CYFIP2: variants seen among roughly 807,000 people sequenced by gnomAD.
CYFIP2 encodes cytoplasmic FMR1-interacting protein 2.
In CYFIP2, 29 loss-of-function variants were observed where a neutral mutation model predicts 158.7. The ratio of observed to expected loss-of-function variants is 0.18; its 90% CI spans 0.14 to 0.25. CYFIP2 has a LOEUF of 0.25. CYFIP2 is among the 10% of genes least tolerant of loss of function. The probability of loss-of-function intolerance (pLI) is 1.00; values close to 1 mark genes in which losing one functional copy is unlikely to be tolerated. For missense variants in CYFIP2, 852 were observed against 1,639.5 expected (o/e 0.52, Z 8.29); for synonymous variants, 585 against 617.6 (o/e 0.95, Z 0.78).
At chr5:157,289,600 C>G (rs1222416342) in intron 3 of CYFIP2, among the ~76,000 whole-genome samples, 1 of 152,184 alleles carries the variant, frequency 6.6e-6, no homozygotes, top group East Asian at 1.9e-4. Context: ...CTGGCACCTT[C>G]TTTCTGTGTG....
rs1762218353 is a variant in CYFIP2 at position 157,341,126 on chromosome 5, A to G, written c.2642A>G (p.Asn881Ser). Residue 881 changes from asparagine (N) to serine (S), a missense_variant, in exon 23 of 31, where the codon AAC (asparagine) becomes AGC (serine). By Grantham distance (46) the Asn-to-Ser change is conservative (BLOSUM62 1). Transcript: ENST00000620254. ...GAACCACAACGAGACAAACCTGCCA[A>G]CGTCCAGCCTTATTACCTCTATGGA... The part of the protein sequence containing the change: ...TQEPQRDKPA[N>S]VQPYYLYGSK... 1 of 1,614,024 alleles carries G rather than the reference A, an allele frequency of 6.2e-7. No homozygotes were observed. Among genetic ancestry groups the G allele is most frequent in the Non-Finnish European group, 8.5e-7 (1 of 1,179,884 alleles).
At chr5:157,291,216 A>G (rs1757793997) in intron 3 of CYFIP2, among the ~76,000 whole-genome samples, 1 of 152,208 alleles carries the variant, frequency 6.6e-6, no homozygotes, top group Non-Finnish European at 1.5e-5. Flanking sequence ...GGTGACTCTA[A>G]TATACAACAA....
At chr5:157,341,033 C>A in intron 22 of CYFIP2, 37 bp from the exon 23 acceptor site, 2 of 1,565,954 alleles carry the variant, frequency 1.3e-6, no homozygotes, top group Non-Finnish European at 1.8e-6. Flanking sequence ...AATATTAGGA[C>A]CATATTAACT....
chr5:157,267,349 C>T (rs1356512149), intron 1 of CYFIP2, among the ~76,000 whole-genome samples: 1 of 152,228 alleles, frequency 6.6e-6, no homozygotes, highest in African/African-American at 2.4e-5. Flanking sequence ...CCATTTCCTG[C>T]CTCCTGTCTG....
At chr5:157,338,779 A>G (rs954480766) in intron 21 of CYFIP2, among the ~76,000 whole-genome samples, 8 of 152,170 alleles carry the variant, frequency 5.3e-5, no homozygotes, top group African/African-American at 1.9e-4. Context: ...CACATGGTCT[A>G]TGGTCTCCTT....
intron 26 of CYFIP2, among the ~76,000 whole-genome samples, chr5:157,380,336 AG>A (rs1765926244): frequency 6.6e-6 from 1 of 152,224 alleles, no homozygotes; most frequent in Non-Finnish European, 1.5e-5. Flanking sequence ...GGGTCTTTTC[AG>A]GAAAGGGCTA....
At chr5:157,336,710 G>C (rs1048814543) in intron 21 of CYFIP2, among the ~76,000 whole-genome samples, 2 of 152,224 alleles carry the variant, frequency 1.3e-5, no homozygotes, top group African/African-American at 4.8e-5. Context: ...CTGTTTCTCT[G>C]TGTTGCCCTT....
At position 157,300,709 on chromosome 5, in the gene CYFIP2, C is replaced by A. The variant is rs1421814818; in HGVS notation, c.388-6C>A. On this transcript the variant is annotated splice_polypyrimidine_tract_variant and splice_region_variant and intron_variant, in intron 5 of 30. Transcript: ENST00000620254. ...TGGACCTTACTCACTGCCCCTCTGC[C>A]CCCAGCGCAAGGCCATCGAGCGGTT... The A allele has an allele frequency of 6.3e-7, 1 of 1,578,570 alleles. No individual in the cohort carries two copies. Among genetic ancestry groups the A allele is most frequent in the Non-Finnish European group, 8.6e-7 (1 of 1,160,816 alleles).
intron 14 of CYFIP2, among the ~76,000 whole-genome samples, chr5:157,320,368 C>G (rs1760491477): frequency 6.6e-6 from 1 of 152,218 alleles, no homozygotes; most frequent in South Asian, 2.1e-4. Flanking sequence ...AGACCTCTTG[C>G]CTCACACAAG....
rs1238147171 is a variant in CYFIP2, at chr5:157,348,414, AATT to A, written c.2673+7267_2673+7269del. Among the ~76,000 whole-genome samples, 8 of 151,984 alleles carry A rather than the reference AATT, an allele frequency of 5.3e-5. No individual in the cohort carries two copies. In the East Asian group the frequency reaches 1.2e-3, roughly 22 times the overall value. On this transcript the variant is annotated intron_variant, in intron 23 of 30. Transcript: ENST00000620254. ...CAGGTGTGCACTACCACCCCTGGCT[AATT>A]ATTATTATTTTTGAGCTGGAGTCTC...
chr5:157,271,180 C>T (rs1466502550), intron 1 of CYFIP2, among the ~76,000 whole-genome samples: 1 of 152,124 alleles, frequency 6.6e-6, no homozygotes, highest in Non-Finnish European at 1.5e-5. Context: ...GGAGTGGAGA[C>T]AGTTTGAGCA....
intron 3 of CYFIP2, among the ~76,000 whole-genome samples, chr5:157,293,430 C>T (rs1757994908): frequency 6.6e-6 from 1 of 152,158 alleles, no homozygotes; most frequent in Admixed American, 6.5e-5. Flanking sequence ...TGAGTCATCA[C>T]TGTATTTTTT....
At chr5:157,340,995 C>T in intron 22 of CYFIP2, 75 bp from the exon 23 acceptor site, 1 of 1,414,358 alleles carries the variant, frequency 7.1e-7, no homozygotes, top group Non-Finnish European at 1.0e-6. Context: ...CCAGGAAGCA[C>T]TCCTGTTATC....
chr5:157,288,079 C>A (rs1172187502), intron 3 of CYFIP2, among the ~76,000 whole-genome samples: 1 of 152,100 alleles, frequency 6.6e-6, no homozygotes, highest in African/African-American at 2.4e-5. Flanking sequence ...GGCAACAGAG[C>A]AAGACCCTAT....
intron 3 of CYFIP2, among the ~76,000 whole-genome samples, chr5:157,289,656 G>A (rs1757668580): frequency 6.6e-6 from 1 of 152,018 alleles, no homozygotes; most frequent in African/African-American, 2.4e-5. Context: ...ATTAGATCAG[G>A]GCCCTCTCTA....
intron 29 of CYFIP2, 141 bp from the exon 30 acceptor site, chr5:157,390,380 T>TAC (rs1459240145): frequency 5.6e-6 from 4 of 711,326 alleles, no homozygotes; most frequent in Non-Finnish European, 6.8e-6. Context: ...GCTTCCTTTG[T>TAC]ACCCATTTTA....
intron 28 of CYFIP2, among the ~76,000 whole-genome samples, chr5:157,386,927 TA>T (rs554742130): frequency 0.21 from 28,354 of 132,340 alleles, 2,987 homozygotes; most frequent in Middle Eastern, 0.27. Flanking sequence ...CTCGAAGATT[TA>T]AAAAAAAAAA....
chr5:157,287,758 A>G (rs1442560507), intron 3 of CYFIP2, among the ~76,000 whole-genome samples: 2 of 152,112 alleles, frequency 1.3e-5, no homozygotes, highest in Non-Finnish European at 2.9e-5. Context: ...TCGTTTTGTG[A>G]TGCTATAACA....
At position 157,382,812 on chromosome 5, in the gene CYFIP2, A is replaced by G. The variant is rs1766261232; in HGVS notation, c.3112+150A>G. 3 of 829,812 alleles carry G rather than the reference A, an allele frequency of 3.6e-6. No individual in the cohort carries two copies. In the East Asian group the frequency reaches 8.0e-5, roughly 22 times the overall value. 51.4% of individuals were successfully genotyped at this position (829,812 alleles called of 1,614,324 possible). Reference sequence around the variant, plus strand: ...TAGCCACAGAATCACAAATTGGAAGATGGACCTAGCCACCTGCATTGAGCC... The same window carrying G: ...TAGCCACAGAATCACAAATTGGAAGGTGGACCTAGCCACCTGCATTGAGCC... On this transcript the variant is annotated intron_variant, in intron 27 of 30. Coordinates refer to ENST00000620254, the MANE Select transcript of CYFIP2 (RefSeq NM_001037333.3).
Sources: gnomAD v4.1 joint callset for allele counts (sites outside exome capture counted in the v4.1 genomes callset) on GRCh38, gnomAD v4.1.1 for gene constraint, MANE v1.5 for transcripts, NCBI Gene and HGNC (gene_info 2026-07-23, HGNC 2026-07-21) for gene names.